The following KCNIP4 variants were observed in gnomAD, a reference collection of about 807,000 sequenced individuals.
KCNIP4 encodes the protein potassium voltage-gated channel interacting protein 4.
In KCNIP4, 12 loss-of-function variants were observed where a neutral mutation model predicts 34.0. The ratio of observed to expected loss-of-function variants is 0.35; its 90% CI spans 0.23 to 0.57. The LOEUF (loss-of-function observed/expected upper bound fraction) is 0.57, where lower values mean the gene tolerates loss of function less well. Ranked by LOEUF, KCNIP4 falls within the 20% of genes least tolerant of loss-of-function variation. KCNIP4 has a pLI of 0.83. For synonymous variants in KCNIP4, 124 were observed against 102.2 expected (o/e 1.21, Z -1.29); for missense variants, 238 against 311.7 (o/e 0.76, Z 1.78).
intron 1 of KCNIP4, among the ~76,000 whole-genome samples, chr4:21,596,694 C>G (rs917583797): frequency 6.6e-6 from 1 of 152,066 alleles, no homozygotes; most frequent in Non-Finnish European, 1.5e-5. Context: ...CTGAATTACT[C>G]CGTTAGAATA....
chr4:20,791,171 G>A (rs1233297781), intron 3 of KCNIP4, among the ~76,000 whole-genome samples: 3 of 152,032 alleles, frequency 2.0e-5, no homozygotes, highest in Non-Finnish European at 4.4e-5. Flanking sequence ...TCCAAATACT[G>A]AAAGAATAAA....
chr4:21,462,580 G>A lies in KCNIP4; in HGVS notation c.61+485991C>T, dbSNP rs76489856. ...TCATCAACTACTCTTCCCAGCCCAT[G>A]GTAGCCACTATTCAATTCTCTACAT... On this transcript the variant is annotated intron_variant, in intron 1 of 8. Coordinates refer to ENST00000382152, the MANE Select transcript of KCNIP4 (RefSeq NM_025221.6). 4.8e-3 allele frequency among the ~76,000 whole-genome samples: 735 copies of A among 152,094 alleles called. 12 individuals carry two copies. The highest frequency in any genetic ancestry group is 0.013 in the Admixed American group (192 of 15,264).
At chr4:20,754,673 TAA>T (rs901915332) in intron 4 of KCNIP4, among the ~76,000 whole-genome samples, 55 of 152,348 alleles carry the variant, frequency 3.6e-4, no homozygotes, top group African/African-American at 1.3e-3. Context: ...AAATAATTGT[TAA>T]GAGTGTAACA....
At chr4:21,192,212 C>T (rs1755701078) in intron 1 of KCNIP4, among the ~76,000 whole-genome samples, 1 of 152,148 alleles carries the variant, frequency 6.6e-6, no homozygotes, top group African/African-American at 2.4e-5. Flanking sequence ...TCAAGTTACT[C>T]TATTGCTTTA....
chr4:20,993,872 G>A (rs1331427251), intron 1 of KCNIP4, among the ~76,000 whole-genome samples: 3 of 152,192 alleles, frequency 2.0e-5, no homozygotes, highest in Admixed American at 1.3e-4. Flanking sequence ...GTTCCTATTG[G>A]AGGATCTAGG....
At chr4:21,407,465 A>C (rs1174350310) in intron 1 of KCNIP4, among the ~76,000 whole-genome samples, 2 of 151,970 alleles carry the variant, frequency 1.3e-5, no homozygotes, top group Non-Finnish European at 2.9e-5. Flanking sequence ...TCTTTTTTTC[A>C]CTGTGTGTTC....
At chr4:21,757,103 G>T (rs188613561) in intron 1 of KCNIP4, among the ~76,000 whole-genome samples, 560 of 3,310 alleles carry the variant, frequency 0.17, 3 homozygotes, top group South Asian at 0.23. Flanking sequence ...CTCAAAAAAA[G>T]AAAGAAAGAA....
chr4:21,633,527 CA>C (rs1252444970), intron 1 of KCNIP4, among the ~76,000 whole-genome samples: 1 of 152,104 alleles, frequency 6.6e-6, no homozygotes, highest in African/African-American at 2.4e-5. Context: ...CCAACCTGAA[CA>C]TCCACTTAGA....
chr4:21,178,301 A>C (rs1022964414), intron 1 of KCNIP4, among the ~76,000 whole-genome samples: 1 of 152,174 alleles, frequency 6.6e-6, no homozygotes, highest in African/African-American at 2.4e-5. Flanking sequence ...TCTTTCATCT[A>C]TTTCTCCAGT....
At chr4:21,890,630 T>A (rs1727038129) in intron 1 of KCNIP4, among the ~76,000 whole-genome samples, 1 of 152,082 alleles carries the variant, frequency 6.6e-6, no homozygotes, top group African/African-American at 2.4e-5. Context: ...GAACTTTGTA[T>A]CCATCTAATG....
At chr4:21,660,993 C>G (rs1748404963) in intron 1 of KCNIP4, among the ~76,000 whole-genome samples, 1 of 152,092 alleles carries the variant, frequency 6.6e-6, no homozygotes, top group African/African-American at 2.4e-5. Flanking sequence ...CAAGACCACT[C>G]TGGCCTGCCA....
At chr4:21,743,559 T>G (rs889350245) in intron 1 of KCNIP4, among the ~76,000 whole-genome samples, 3 of 152,070 alleles carry the variant, frequency 2.0e-5, no homozygotes, top group Non-Finnish European at 4.4e-5. Flanking sequence ...AATTAGGACA[T>G]GGGCATTTTT....
At chr4:21,131,092 G>A (rs994935242) in intron 1 of KCNIP4, among the ~76,000 whole-genome samples, 2 of 152,052 alleles carry the variant, frequency 1.3e-5, no homozygotes, top group Admixed American at 6.6e-5. Context: ...TATGCTCCCC[G>A]AAGGTATGTA....
intron 1 of KCNIP4, among the ~76,000 whole-genome samples, chr4:20,948,637 C>T (rs1300282455): frequency 6.6e-6 from 1 of 152,200 alleles, no homozygotes; most frequent in African/African-American, 2.4e-5. Flanking sequence ...GCCTGGGAGT[C>T]TCCCAAGGAA....
At chr4:21,181,700 C>T (rs534181847) in intron 1 of KCNIP4, among the ~76,000 whole-genome samples, 2 of 152,202 alleles carry the variant, frequency 1.3e-5, no homozygotes, top group African/African-American at 4.8e-5. Flanking sequence ...TCCATGTAAT[C>T]GAAACAGTCT....
At chr4:21,593,527 C>A (rs1742387349) in intron 1 of KCNIP4, among the ~76,000 whole-genome samples, 1 of 152,036 alleles carries the variant, frequency 6.6e-6, no homozygotes, top group Non-Finnish European at 1.5e-5. Context: ...GGCACAAACA[C>A]GGCTCACCTC....
intron 1 of KCNIP4, among the ~76,000 whole-genome samples, chr4:21,726,704 T>G (rs958095873): frequency 2.0e-5 from 3 of 152,188 alleles, no homozygotes; most frequent in Non-Finnish European, 1.5e-5. Context: ...CTTCTTTAAT[T>G]GTCTGCTTCC....
At chr4:21,363,974 G>T (rs1719473131) in intron 1 of KCNIP4, among the ~76,000 whole-genome samples, 1 of 152,112 alleles carries the variant, frequency 6.6e-6, no homozygotes, top group African/African-American at 2.4e-5. Flanking sequence ...AAGCATGAGT[G>T]TTTGGGTTTT....
chr4:20,837,058 TCGATGCTTAATA>T (rs1476372757), intron 3 of KCNIP4, among the ~76,000 whole-genome samples: 2 of 152,164 alleles, frequency 1.3e-5, no homozygotes, highest in East Asian at 3.9e-4. Context: ...TAGTTGGTGC[TCGATGCTTAATA>T]TGTGTTTGTG....
Sources: gnomAD v4.1 joint callset for allele counts (sites outside exome capture counted in the v4.1 genomes callset) on GRCh38, gnomAD v4.1.1 for gene constraint, MANE v1.5 for transcripts, NCBI Gene and HGNC (gene_info 2026-07-23, HGNC 2026-07-21) for gene names.